The following TBC1D9 variants were observed in gnomAD, a reference collection of about 807,000 sequenced individuals.
TBC1D9 encodes TBC1 domain family member 9.
TBC1D9 carries 63 observed loss-of-function variants against 132.0 expected under a neutral mutation model. The observed-to-expected ratio is 0.48, with a 90% confidence interval of 0.39 to 0.59. The LOEUF (loss-of-function observed/expected upper bound fraction) is 0.59. Among genes scored for constraint, TBC1D9 ranks in the 20% least tolerant of loss-of-function variants. The pLI is 0.00. For synonymous variants in TBC1D9, 610 were observed against 609.9 expected (o/e 1.00, Z 0.00); for missense variants, 1,261 against 1,592.7 (o/e 0.79, Z 3.54).
intron 1 of TBC1D9, among the ~76,000 whole-genome samples, chr4:140,724,738 C>T (rs1738473097): frequency 6.6e-6 from 1 of 150,456 alleles, no homozygotes; most frequent in African/African-American, 2.4e-5. Context: ...GGAGCAACCA[C>T]CAAAAACAAA....
chr4:140,727,584 T>C (rs1738520612), intron 1 of TBC1D9, among the ~76,000 whole-genome samples: 1 of 152,216 alleles, frequency 6.6e-6, no homozygotes, highest in Non-Finnish European at 1.5e-5. Context: ...CATTAAGTCT[T>C]ATCAAAAACC....
intron 1 of TBC1D9, among the ~76,000 whole-genome samples, chr4:140,709,248 T>TCTCTCTCTCTCTCA (rs1382500714): frequency 9.6e-5 from 10 of 104,148 alleles, no homozygotes; most frequent in African/African-American, 4.0e-4. Flanking sequence ...TCTCTCTCTC[T>TCTCTCTCTCTCTCA]CACACACACA....
intron 1 of TBC1D9, among the ~76,000 whole-genome samples, chr4:140,738,746 C>T (rs1738714948): frequency 1.3e-5 from 2 of 152,168 alleles, no homozygotes; most frequent in Admixed American, 1.3e-4. Flanking sequence ...AGTCAAATGT[C>T]CAATGCCCTC....
At chr4:140,624,250 T>A in intron 19 of TBC1D9, 31 bp from the exon 20 acceptor site, 1 of 1,610,572 alleles carries the variant, frequency 6.2e-7, no homozygotes, top group Non-Finnish European at 8.5e-7. Flanking sequence ...AATAAGTGCT[T>A]ACAGGCCAAA....
At chr4:140,710,735 G>C (rs984644175) in intron 1 of TBC1D9, among the ~76,000 whole-genome samples, 5 of 152,132 alleles carry the variant, frequency 3.3e-5, no homozygotes, top group Admixed American at 6.5e-5. Context: ...TCTCCTGGGT[G>C]GGGGGGTGGT....
intron 2 of TBC1D9, among the ~76,000 whole-genome samples, chr4:140,697,759 T>C (rs1057223557): frequency 2.0e-5 from 3 of 151,922 alleles, no homozygotes; most frequent in African/African-American, 4.8e-5. Context: ...GACTGAGGAG[T>C]AGTAACGTCA....
At chr4:140,678,806 C>CT (rs1737662843) in intron 5 of TBC1D9, 136 bp downstream of exon 5, 1 of 1,104,266 alleles carries the variant, frequency 9.1e-7, no homozygotes, top group Admixed American at 2.3e-5. Context: ...CTCAGCTAGT[C>CT]TTTTTTAGTT....
chr4:140,683,046 C>G (rs1239265419), intron 3 of TBC1D9, among the ~76,000 whole-genome samples: 2 of 152,072 alleles, frequency 1.3e-5, no homozygotes, highest in African/African-American at 2.4e-5. Context: ...ACCACCACGC[C>G]TGGCTAATTT....
chr4:140,653,514 T>C (rs61042392), intron 13 of TBC1D9, among the ~76,000 whole-genome samples: 4,516 of 152,218 alleles, frequency 0.03, 240 homozygotes, highest in African/African-American at 0.1. Context: ...TACATTCAGA[T>C]TTAATTGGTC....
Position 140,709,248 on chromosome 4 carries a change from T to TCTCTCACACA in TBC1D9, c.131-7635_131-7634insTGTGTGAGAG, listed in dbSNP as rs1382500714. On this transcript the variant is annotated intron_variant, in intron 1 of 20. Coordinates refer to ENST00000442267, the MANE Select transcript of TBC1D9 (RefSeq NM_015130.3). The stretch of plus-strand genomic sequence containing the variant: ...CTCTCTCTCTCTCTCTCTCTCTCTC[T>TCTCTCACACA]CACACACACACACACACACACACAC... 5.3e-3 allele frequency among the ~76,000 whole-genome samples: 549 copies of TCTCTCACACA among 104,176 alleles called. 10 individuals carry two copies. Among genetic ancestry groups the TCTCTCACACA allele is most frequent in the African/African-American group, 0.023 (517 of 22,678 alleles). The allele number at this position is 104,176 out of a possible 152,430, so 68.3% of individuals were successfully genotyped here. A position where few individuals can be genotyped will look rare whatever the true frequency, so the allele number is the denominator to read the frequency against.
At chr4:140,631,317 G>A (rs1736792105) in intron 16 of TBC1D9, among the ~76,000 whole-genome samples, 1 of 152,016 alleles carries the variant, frequency 6.6e-6, no homozygotes, top group Non-Finnish European at 1.5e-5. Context: ...CTGCCTCCCG[G>A]GTTCAAGCGA....
At chr4:140,627,417 T>A in intron 18 of TBC1D9, 24 bp downstream of exon 18, 5 of 1,459,492 alleles carry the variant, frequency 3.4e-6, no homozygotes, top group Non-Finnish European at 4.8e-6. Context: ...AAATATAGTA[T>A]CTTTGGTGAG....
intron 2 of TBC1D9, among the ~76,000 whole-genome samples, chr4:140,701,157 G>A (rs1465379525): frequency 6.6e-6 from 1 of 152,232 alleles, no homozygotes; most frequent in Non-Finnish European, 1.5e-5. Context: ...TGAGTGAAAT[G>A]GAAGGTGGAG....
chr4:140,699,110 A>C (rs1738024655), intron 2 of TBC1D9, among the ~76,000 whole-genome samples: 1 of 152,224 alleles, frequency 6.6e-6, no homozygotes, highest in Non-Finnish European at 1.5e-5. Context: ...AAAAGCTCCC[A>C]ATGGCCAAAG....
intron 9 of TBC1D9, among the ~76,000 whole-genome samples, chr4:140,663,121 A>C (rs1445458260): frequency 6.6e-6 from 1 of 152,234 alleles, no homozygotes; most frequent in Non-Finnish European, 1.5e-5. Flanking sequence ...ACTTAATGGA[A>C]GAAAATATCT....
intron 9 of TBC1D9, among the ~76,000 whole-genome samples, chr4:140,667,543 ATAAT>A (rs1054906978): frequency 6.6e-6 from 1 of 152,230 alleles, no homozygotes; most frequent in African/African-American, 2.4e-5. Context: ...GGTTTGAATT[ATAAT>A]TAGAGATGAG....
intron 13 of TBC1D9, chr4:140,643,281 C>T: frequency 7.7e-7 from 1 of 1,298,882 alleles, no homozygotes; most frequent in Non-Finnish European, 1.1e-6. Flanking sequence ...CAGGGTGATG[C>T]CGTGCAGAAA....
chr4:140,670,861 T>A lies in TBC1D9; in HGVS notation c.1125A>T (p.Arg375=), dbSNP rs201070774. ...VLPSPLSIST[R]NRMTFLFANL... Reference sequence around the variant, plus strand: ...TGGCAAATAGGAAGGTCATCCTGTTTCGGGTGCTGATGGATAAGGGACTGG... The same window carrying A: ...TGGCAAATAGGAAGGTCATCCTGTTACGGGTGCTGATGGATAAGGGACTGG... Residue 375 remains arginine, a synonymous_variant, in exon 7 of 21, where the codon CGA becomes CGT. Transcript: ENST00000442267. 1 of 1,614,020 alleles carries A rather than the reference T, an allele frequency of 6.2e-7. No individual in the cohort carries two copies. Among genetic ancestry groups the A allele is most frequent in the African/African-American group, 1.3e-5 (1 of 75,054 alleles).
intron 13 of TBC1D9, among the ~76,000 whole-genome samples, chr4:140,648,552 ATTG>A (rs1382341676): frequency 5.3e-5 from 8 of 151,906 alleles, no homozygotes; most frequent in Non-Finnish European, 4.4e-5. Flanking sequence ...CGCCTGGCTA[ATTG>A]TTGTATTTTT....
Sources: gnomAD v4.1 joint callset for allele counts (sites outside exome capture counted in the v4.1 genomes callset) on GRCh38, gnomAD v4.1.1 for gene constraint, MANE v1.5 for transcripts, NCBI Gene and HGNC (gene_info 2026-07-23, HGNC 2026-07-21) for gene names.